STEAP1B: variants seen among roughly 807,000 people sequenced by gnomAD.
STEAP1B encodes the protein STEAP family protein MGC87042.
Under a neutral mutation model 27.9 loss-of-function variants are expected in STEAP1B, and 13 were observed. The observed-to-expected ratio is 0.47, with a 90% CI of 0.30 to 0.74. The LOEUF (loss-of-function observed/expected upper bound fraction) is 0.74. STEAP1B is among the 30% of genes least tolerant of loss of function. STEAP1B has a pLI of 0.06. For synonymous variants in STEAP1B, 86 were observed against 107.1 expected, an observed-to-expected ratio of 0.80 and a Z score of 1.22; for missense variants, 250 against 298.7, an observed-to-expected ratio of 0.84 and a Z score of 1.20.
rs1785359470 is a variant in STEAP1B at position 22,443,110 on chromosome 7, T to TA, written c.763-23275_763-23274insT. Among the ~76,000 whole-genome samples the TA allele has an allele frequency of 2.0e-5, 3 of 152,196 alleles. No homozygotes were observed. The South Asian group carries it at 6.2e-4, about 31-fold the overall frequency. On this transcript the variant is annotated intron_variant, in intron 4 of 4. Coordinates refer to ENST00000678116, the MANE Select transcript of STEAP1B (RefSeq NM_001382447.1). ...TCAGATCTGCATAGTGATCTTCCTT[T>TA]CCTAATCCTGCTTCCTCCTCATCTT... is the stretch of plus-strand genomic sequence containing the variant.
chr7:22,432,089 G>A (rs1785194593), intron 4 of STEAP1B, among the ~76,000 whole-genome samples: 1 of 152,260 alleles, frequency 6.6e-6, no homozygotes, highest in East Asian at 1.9e-4. Context: ...AGTGGGATTG[G>A]TGTCCTTATA....
At chr7:22,471,708 C>A (rs967223748) in intron 4 of STEAP1B, among the ~76,000 whole-genome samples, 1 of 151,906 alleles carries the variant, frequency 6.6e-6, no homozygotes, top group African/African-American at 2.4e-5. Flanking sequence ...TCGAAAGCAG[C>A]CTGGGCAATA....
At chr7:22,456,953 T>C (rs183511685) in intron 4 of STEAP1B, among the ~76,000 whole-genome samples, 159 of 20,058 alleles carry the variant, frequency 7.9e-3, no homozygotes, top group East Asian at 0.047. Flanking sequence ...GATAGGCAGC[T>C]ATATATATAT....
At chr7:22,439,207 G>T (rs1000045886) in intron 4 of STEAP1B, among the ~76,000 whole-genome samples, 26 of 152,190 alleles carry the variant, frequency 1.7e-4, no homozygotes, top group Admixed American at 1.4e-3. Context: ...GCTGCAGAAG[G>T]TGTGTTTACA....
chr7:22,466,123 A>G (rs1785778483), intron 4 of STEAP1B, among the ~76,000 whole-genome samples: 1 of 152,202 alleles, frequency 6.6e-6, no homozygotes, highest in African/African-American at 2.4e-5. Context: ...GGTCACACCT[A>G]TAATTGAACA....
At position 22,494,816 on chromosome 7, in the gene STEAP1B, A is replaced by G. The variant is rs1186620261; in HGVS notation, c.40T>C (p.Trp14Arg). Residue 14 changes from tryptophan (W) to arginine (R), a missense_variant, in exon 2 of 5, where the codon TGG becomes CGG. Trp to Arg is a moderately radical substitution (Grantham distance 101). Transcript: ENST00000678116. ...AAATTTCTCCTAGGCTTCATTTTCC[A>G]AATTTCTTCTTGGTTTGTGATGTCT... ...RKDITNQEEIWKMKPRRNLED... is the reference protein window; with the variant it reads ...RKDITNQEEIRKMKPRRNLED... 4 of 1,590,204 alleles carry G rather than the reference A, an allele frequency of 2.5e-6. No homozygotes were observed. The highest frequency in any genetic ancestry group is 3.4e-6 in the Non-Finnish European group (4 of 1,167,354).
intron 4 of STEAP1B, among the ~76,000 whole-genome samples, chr7:22,470,185 A>C (rs1382746929): frequency 6.6e-6 from 1 of 152,198 alleles, no homozygotes; most frequent in African/African-American, 2.4e-5. Flanking sequence ...AAAATACAAA[A>C]TGAGCCTGGA....
chr7:22,483,183 G>A (rs56326044), intron 4 of STEAP1B, among the ~76,000 whole-genome samples: 7,138 of 139,674 alleles, frequency 0.051, 542 homozygotes, highest in African/African-American at 0.18. Flanking sequence ...AATGTCAACC[G>A]ACTCTATACC....
At chr7:22,424,595 T>C (rs1177210401) in intron 4 of STEAP1B, among the ~76,000 whole-genome samples, 1 of 152,200 alleles carries the variant, frequency 6.6e-6, no homozygotes, top group Non-Finnish European at 1.5e-5. Flanking sequence ...TTTGGCCATT[T>C]GTCCCAGATA....
rs1489135502 is a variant in STEAP1B, at chr7:22,464,191, CAAT to C, written c.762+28371_762+28373del. 3.9e-5 allele frequency among the ~76,000 whole-genome samples: 6 copies of C among 152,266 alleles called. No individual in the cohort carries two copies. The South Asian group carries it at 8.3e-4, about 21-fold the overall frequency. ...AATATTAAAATATTTAAATTTAGAA[CAAT>C]GTGTTCGCAATGCCATTAGGAAGAT... On this transcript the variant is annotated intron_variant, in intron 4 of 4. Transcript: ENST00000678116.
At chr7:22,487,877 G>C (rs1000698985) in intron 4 of STEAP1B, among the ~76,000 whole-genome samples, 1 of 143,538 alleles carries the variant, frequency 7.0e-6, no homozygotes. Flanking sequence ...CTTTCCAAAA[G>C]AGAAAAGAAT....
chr7:22,454,384 G>A (rs1258919806), intron 4 of STEAP1B, among the ~76,000 whole-genome samples: 1 of 152,046 alleles, frequency 6.6e-6, no homozygotes, highest in Admixed American at 6.6e-5. Context: ...GTGCTGTACT[G>A]GTGGAATCTT....
In STEAP1B at chr7:22,493,745, G is replaced by A; in HGVS notation, c.176C>T (p.Ser59Leu). Residue 59 changes from serine (S) to leucine (L), a missense_variant, in exon 3 of 5, where the codon TCA becomes TTA. By Grantham distance (145) the Ser-to-Leu change is moderately radical (BLOSUM62 -2). Coordinates refer to ENST00000678116, the MANE Select transcript of STEAP1B (RefSeq NM_001382447.1). ...GAGTTCCTGTGCGTGCTGAAGTTCT[G>A]AAGGGCAGTCAAATTCATCAGCATG... ...TAHADEFDCP[S>L]ELQHAQELFP... 1 of 1,613,864 alleles carries A rather than the reference G, an allele frequency of 6.2e-7. No individual in the cohort carries two copies. Among genetic ancestry groups the A allele is most frequent in the Non-Finnish European group, 8.5e-7 (1 of 1,179,822 alleles).
At chr7:22,498,381 A>C (rs1408285991) in intron 1 of STEAP1B, among the ~76,000 whole-genome samples, 1 of 152,042 alleles carries the variant, frequency 6.6e-6, no homozygotes, top group Non-Finnish European at 1.5e-5. Context: ...CACCAACTTA[A>C]TAGTTTGTGG....
In STEAP1B at chr7:22,492,620, G is replaced by A. The variant is rs747405918; in HGVS notation, c.707C>T (p.Thr236Ile). ...AGAGTCACTCACAGATGGAATAGAT[G>A]TCACAGCCAACAGAGCCAGTATTGC... is the stretch of plus-strand genomic sequence containing the variant. Reference protein sequence around the residue: ...GLAILALLAVTSIPSVSDSLT... With the variant: ...GLAILALLAVISIPSVSDSLT... The change falls in exon 4 of 5, where the codon ACA becomes ATA. Residue 236 changes from threonine to isoleucine, a missense_variant. Physicochemically the swap from Thr to Ile is moderately conservative, Grantham distance 89. Coordinates refer to ENST00000678116, the MANE Select transcript of STEAP1B (RefSeq NM_001382447.1). The A allele has an allele frequency of 2.7e-5, 43 of 1,613,382 alleles. No individual in the cohort carries two copies. The highest frequency in any genetic ancestry group is 3.6e-5 in the Non-Finnish European group (43 of 1,179,732).
chr7:22,466,521 T>A (rs1785786602), intron 4 of STEAP1B, among the ~76,000 whole-genome samples: 1 of 152,146 alleles, frequency 6.6e-6, no homozygotes, highest in South Asian at 2.1e-4. Flanking sequence ...TCTTCTATTA[T>A]GGACCCCAAA....
chr7:22,424,473 T>C (rs1785082083), intron 4 of STEAP1B, among the ~76,000 whole-genome samples: 1 of 152,188 alleles, frequency 6.6e-6, no homozygotes, highest in Admixed American at 6.5e-5. Flanking sequence ...CCAATTAAAA[T>C]AGGAAATATA....
chr7:22,454,863 ATATTTTT>A (rs369699664), intron 4 of STEAP1B, among the ~76,000 whole-genome samples: 52 of 75,084 alleles, frequency 6.9e-4, no homozygotes, highest in East Asian at 2.3e-3. Context: ...ATATATATAT[ATATTTTT>A]TTTTTTTTTT....
At chr7:22,485,888 A>G (rs1450490132) in intron 4 of STEAP1B, among the ~76,000 whole-genome samples, 1 of 152,178 alleles carries the variant, frequency 6.6e-6, no homozygotes. Context: ...TATTTCTAAC[A>G]GGTTTCCAGA....
Sources: allele counts gnomAD v4.1 joint callset (sites outside exome capture counted in the v4.1 genomes callset), GRCh38; gene constraint gnomAD v4.1.1; transcripts MANE v1.5; gene names NCBI Gene and HGNC (gene_info 2026-07-23, HGNC 2026-07-21).